PDE8B: variants seen among roughly 807,000 people sequenced by gnomAD.
PDE8B encodes phosphodiesterase 8B, also known as high affinity cAMP-specific and IBMX-insensitive 3',5'-cyclic phosphodiesterase 8B.
PDE8B carries 26 observed loss-of-function variants against 101.3 expected under a neutral mutation model. The ratio of observed to expected loss-of-function variants is 0.26; its 90% CI spans 0.19 to 0.36. The LOEUF (loss-of-function observed/expected upper bound fraction) is 0.36, where lower values mean the gene tolerates loss of function less well. Among genes scored for constraint, PDE8B ranks in the 10% least tolerant of loss-of-function variants. The pLI, the probability that PDE8B is intolerant of heterozygous loss-of-function variation, is 1.00. For synonymous variants in PDE8B, 424 were observed against 429.3 expected (o/e 0.99, Z 0.15); for missense variants, 810 against 1,163.1 (o/e 0.70, Z 4.42).
At chr5:77,274,803 G>A (rs1763515124) in intron 1 of PDE8B, among the ~76,000 whole-genome samples, 1 of 152,088 alleles carries the variant, frequency 6.6e-6, no homozygotes, top group African/African-American at 2.4e-5. Context: ...TGGAATTTTA[G>A]CAGTTGTAGA....
At position 77,418,209 on chromosome 5, in the gene PDE8B, C is replaced by T. The variant is rs760855841; in HGVS notation, c.1912-20C>T. 6.6e-7 allele frequency: 1 copy of T among 1,522,426 alleles called. No individual in the cohort carries two copies. The highest frequency in any genetic ancestry group is 9.1e-7 in the Non-Finnish European group (1 of 1,096,516). 94.3% of individuals were successfully genotyped at this position (1,522,426 alleles called of 1,614,324 possible). A position where few individuals can be genotyped will look rare whatever the true frequency, so the allele number is the denominator to read the frequency against. ...CAAGATCCAGTGGGTAATGCTCAAC[C>T]TTGCCTCCCCATATCCCAGGGAAGC... is the stretch of plus-strand genomic sequence containing the variant. On this transcript the variant is annotated intron_variant, in intron 17 of 21. Transcript: ENST00000264917.
At chr5:77,132,627 C>G in the PDE8B span, among the ~76,000 whole-genome samples, 1 of 152,228 alleles carries the variant, frequency 6.6e-6, no homozygotes, top group Non-Finnish European at 1.5e-5. Context: ...CCATGGAGCC[C>G]TCCATCCCTC....
chr5:77,305,850 C>A (rs924341552), intron 1 of PDE8B, among the ~76,000 whole-genome samples: 1 of 152,144 alleles, frequency 6.6e-6, no homozygotes, highest in African/African-American at 2.4e-5. Context: ...CAGCTGGTGT[C>A]TTTTCAGTGT....
chr5:77,377,790 A>C (rs1163332931), intron 10 of PDE8B, among the ~76,000 whole-genome samples: 1 of 152,102 alleles, frequency 6.6e-6, no homozygotes, highest in Non-Finnish European at 1.5e-5. Flanking sequence ...TGGAAGTGCA[A>C]ATTTGCCCTT....
At chr5:77,382,689 T>G (rs1191247025) in intron 10 of PDE8B, among the ~76,000 whole-genome samples, 1 of 151,924 alleles carries the variant, frequency 6.6e-6, no homozygotes, top group East Asian at 1.9e-4. Flanking sequence ...ACATGTGGTG[T>G]TTGGTTGTCT....
chr5:77,341,179 G>A (rs1033761938), intron 6 of PDE8B, among the ~76,000 whole-genome samples: 1 of 152,042 alleles, frequency 6.6e-6, no homozygotes, highest in Non-Finnish European at 1.5e-5. Context: ...ATCTCATTTT[G>A]CTGCAGGTTT....
At chr5:77,215,272 A>C (rs1749428847) in intron 1 of PDE8B, among the ~76,000 whole-genome samples, 1 of 152,216 alleles carries the variant, frequency 6.6e-6, no homozygotes, top group Non-Finnish European at 1.5e-5. Flanking sequence ...TGATACAGGC[A>C]CATATTCTCT....
intron 17 of PDE8B, among the ~76,000 whole-genome samples, chr5:77,414,581 C>T (rs1795155753): frequency 6.8e-6 from 1 of 146,644 alleles, no homozygotes; most frequent in Non-Finnish European, 1.5e-5. Context: ...CCACCATGCC[C>T]AGCCGATTTT....
intron 1 of PDE8B, among the ~76,000 whole-genome samples, chr5:77,219,829 C>T (rs1013372650): frequency 2.0e-5 from 3 of 152,130 alleles, no homozygotes; most frequent in Admixed American, 6.5e-5. Flanking sequence ...CCCCCACAGT[C>T]GAGAGTGTGA....
intron 1 of PDE8B, among the ~76,000 whole-genome samples, chr5:77,276,776 G>C (rs1227727226): frequency 6.6e-6 from 1 of 152,202 alleles, no homozygotes; most frequent in African/African-American, 2.4e-5. Context: ...TACTGGATGA[G>C]AGTATTCCTT....
At chr5:77,271,271 C>T (rs1335167603) in intron 1 of PDE8B, among the ~76,000 whole-genome samples, 1 of 152,230 alleles carries the variant, frequency 6.6e-6, no homozygotes, top group Non-Finnish European at 1.5e-5. Context: ...AGAGCTGCCT[C>T]TTCCAGAAAG....
At chr5:77,255,644 G>T (rs752233589) in intron 1 of PDE8B, among the ~76,000 whole-genome samples, 2 of 152,188 alleles carry the variant, frequency 1.3e-5, no homozygotes, top group Non-Finnish European at 2.9e-5. Context: ...AGCCACTGAG[G>T]TCCTCTGGCT....
At chr5:77,344,810 G>A (rs764549196) in intron 6 of PDE8B, 43 bp from the exon 7 acceptor site, 1 of 1,200,544 alleles carries the variant, frequency 8.3e-7, no homozygotes. Context: ...AAATGTGAAT[G>A]GTTTTCATAG....
intron 1 of PDE8B, among the ~76,000 whole-genome samples, chr5:77,254,495 C>T (rs1336102119): frequency 2.0e-5 from 3 of 152,104 alleles, no homozygotes; most frequent in South Asian, 2.1e-4. Flanking sequence ...GTCATTGTGT[C>T]GTTACCAAGC....
chr5:77,411,609 AT>A, intron 14 of PDE8B, 66 bp from the exon 15 acceptor site: 1 of 1,292,312 alleles, frequency 7.7e-7, no homozygotes, highest in South Asian at 1.2e-5. Context: ...TTCACTAATA[AT>A]AAAAAAAAAA....
At chr5:77,159,915 T>C in the PDE8B span, among the ~76,000 whole-genome samples, 3 of 152,218 alleles carry the variant, frequency 2.0e-5, no homozygotes, top group Non-Finnish European at 2.9e-5. Flanking sequence ...TGGTTTACCC[T>C]GATTAAGATT....
chr5:77,187,471 A>G, the PDE8B span, among the ~76,000 whole-genome samples: 1 of 152,184 alleles, frequency 6.6e-6, no homozygotes, highest in Non-Finnish European at 1.5e-5. Flanking sequence ...CCTAATCTAT[A>G]GATGAAAAAA....
intron 1 of PDE8B, among the ~76,000 whole-genome samples, chr5:77,302,897 TA>T (rs1770296986): frequency 2.0e-5 from 3 of 152,144 alleles, no homozygotes; most frequent in Admixed American, 2.0e-4. Flanking sequence ...CCTTTTGTCT[TA>T]TTGAGGCACA....
the PDE8B span, among the ~76,000 whole-genome samples, chr5:77,202,631 T>C: frequency 4.0e-5 from 6 of 150,642 alleles, no homozygotes; most frequent in African/African-American, 1.5e-4. Context: ...AGTAGGTTAT[T>C]AGTAATTTTT....
Sources: allele counts gnomAD v4.1 joint callset (sites outside exome capture counted in the v4.1 genomes callset), GRCh38; gene constraint gnomAD v4.1.1; transcripts MANE v1.5; gene names NCBI Gene and HGNC (gene_info 2026-07-23, HGNC 2026-07-21).